KHNYN: variants seen among roughly 807,000 people sequenced by gnomAD.
The protein encoded by KHNYN is KH and NYN domain containing.
A neutral mutation model predicts 62.7 loss-of-function variants in KHNYN; 42 were observed. That is an observed-to-expected ratio of 0.67 (90% confidence interval 0.52 to 0.87). The LOEUF is 0.87. KHNYN is among the 40% of genes least tolerant of loss of function. KHNYN has a pLI of 0.00. For synonymous variants in KHNYN, 347 were observed against 345.6 expected, an observed-to-expected ratio of 1.00 and a Z score of -0.04; for missense variants, 829 against 874.1, an observed-to-expected ratio of 0.95 and a Z score of 0.65.
At chr14:24,436,243 C>T in intron 6 of KHNYN, 64 bp downstream of exon 6, 1 of 1,499,206 alleles carries the variant, frequency 6.7e-7, no homozygotes, top group Non-Finnish European at 9.3e-7. Context: ...GCCAGCTCTG[C>T]TCTGGCCATG....
chr14:24,427,603 G>A, upstream of KHNYN: 1 of 626,338 alleles, frequency 1.6e-6, no homozygotes. The surrounding 1 kb of genome is among the most constrained non-coding windows in gnomAD (Gnocchi z 4.4). Flanking sequence ...GGGTGGAAAG[G>A]CCTGGTCTGG....
At chr14:24,431,178 G>C (rs2043104893) in intron 2 of KHNYN, among the ~76,000 whole-genome samples, 2 of 152,214 alleles carry the variant, frequency 1.3e-5, no homozygotes, top group South Asian at 4.1e-4. Flanking sequence ...TGTGCTCTTT[G>C]GGAGAATAGA....
chr14:24,437,086 A>G lies in KHNYN; in HGVS notation c.1838A>G (p.His613Arg), dbSNP rs144920905. Residue 613 changes from histidine to arginine, a missense_variant, in exon 8 of 8, where the codon CAT (histidine) becomes CGT (arginine). This residue lies in a region of KHNYN where 270 missense variants were observed against 347.1 expected (regional missense o/e 0.78). Transcript: ENST00000553935. This position sits in a 1 kb window ranked among gnomAD's most constrained non-coding sequence, Gnocchi z 5.5. Reference sequence around the variant, plus strand: ...CATCCTTCCAGGGGCTTTGCAGAACATGGTAAACAGCAGCAGGGGAGAGAA... The same window carrying G: ...CATCCTTCCAGGGGCTTTGCAGAACGTGGTAAACAGCAGCAGGGGAGAGAA... The part of the protein sequence containing the change: ...AQHPSRGFAE[H>R]GKQQQGREEE... The G allele has an allele frequency of 1.6e-4, 266 of 1,614,078 alleles. 1 individual carries two copies. Among genetic ancestry groups the G allele is most frequent in the South Asian group, 4.4e-4 (40 of 91,082 alleles).
At chr14:24,428,691 G>C, upstream of KHNYN, 1 of 1,499,860 alleles carries the variant, frequency 6.7e-7, no homozygotes, top group South Asian at 1.3e-5. Flanking sequence ...AGTGGGCTTG[G>C]ACAGTTGCTT....
rs1168137315 is a variant in KHNYN at position 24,435,879 on chromosome 14, A to G, written c.1578-193A>G. 5.0e-6 allele frequency: 3 copies of G among 598,262 alleles called. No homozygotes were observed. In the East Asian group the frequency reaches 8.4e-5, roughly 17 times the overall value. The allele number at this position is 598,262 out of a possible 1,614,324, so 37.1% of individuals were successfully genotyped here. On this transcript the variant is annotated intron_variant, in intron 5 of 7. Coordinates refer to ENST00000553935, the MANE Select transcript of KHNYN (RefSeq NM_015299.3). ...AACTTCTGGGGTTGGGGCCTTGGAG[A>G]GTCCCAAATGGTTGCTGTGGTTTTT...
chr14:24,427,008 T>C (rs1219536834), upstream of KHNYN: 1 of 152,196 alleles, frequency 6.6e-6, no homozygotes, highest in African/African-American at 2.4e-5. This position sits in a 1 kb window ranked among gnomAD's most constrained non-coding sequence, Gnocchi z 4.4. Context: ...TTATCGATGT[T>C]TTCCATGGTC....
upstream of KHNYN, among the ~76,000 whole-genome samples, chr14:24,425,071 C>G (rs1044675377): frequency 6.6e-6 from 1 of 152,070 alleles, no homozygotes; most frequent in Admixed American, 6.5e-5. Flanking sequence ...TGTGGTGGCT[C>G]GCACCTGTAA....
In KHNYN at chr14:24,431,944, C is replaced by T. The variant is rs756699340; in HGVS notation, c.683C>T (p.Pro228Leu). The part of the protein sequence containing the change: ...GAQCQGVRAP[P>L]SDGRESLDTG... Reference sequence around the variant, plus strand: ...CAGTGCCAAGGAGTGAGAGCTCCCCCTAGTGACGGCAGGGAGTCCCTGGAC... The same window carrying T: ...CAGTGCCAAGGAGTGAGAGCTCCCCTTAGTGACGGCAGGGAGTCCCTGGAC... Residue 228 changes from proline (P) to leucine (L), a missense_variant, in exon 3 of 8, where the codon CCT (proline) becomes CTT (leucine). Pro to Leu is a moderately conservative substitution (Grantham distance 98, BLOSUM62 -3). Coordinates refer to ENST00000553935, the MANE Select transcript of KHNYN (RefSeq NM_015299.3). 6 of 1,613,328 alleles carry T rather than the reference C, an allele frequency of 3.7e-6. No individual in the cohort carries two copies. The African/African-American group carries it at 8.0e-5, about 22-fold the overall frequency.
upstream of KHNYN, chr14:24,429,168 C>T (rs1398838987): frequency 3.2e-5 from 36 of 1,107,746 alleles, no homozygotes; most frequent in South Asian, 4.9e-5. Flanking sequence ...TCTCTAGGCT[C>T]GCTGAACCCC....
At position 24,432,021 on chromosome 14, in the gene KHNYN, G is replaced by A. The variant is rs751886494; in HGVS notation, c.760G>A (p.Ala254Thr). 18 of 1,607,864 alleles carry A rather than the reference G, an allele frequency of 1.1e-5. No individual in the cohort carries two copies. The highest frequency in any genetic ancestry group is 1.4e-5 in the Non-Finnish European group (17 of 1,175,776). The change falls in exon 3 of 8, where the codon GCT becomes ACT. Residue 254 changes from alanine (A) to threonine (T), a missense_variant. Transcript: ENST00000553935. This position sits in a 1 kb window ranked among gnomAD's most constrained non-coding sequence, Gnocchi z 5.6. The part of the protein sequence containing the change: ...DCRGARGDTY[A>T]VEKEGGKQGG... ...CAGGGGAGCAAGGGGAGACACTTAC[G>A]CTGTGGAGAAGGAGGGAGGGAAACA... is the stretch of plus-strand genomic sequence containing the variant.
chr14:24,429,160 T>A (rs1160169517), upstream of KHNYN: 2 of 1,224,206 alleles, frequency 1.6e-6, no homozygotes, highest in Non-Finnish European at 1.1e-6. Flanking sequence ...GTCTGCCCTC[T>A]CTAGGCTCGC....
Position 24,432,117 on chromosome 14 carries a change from G to A in KHNYN, c.856G>A (p.Ala286Thr). The change falls in exon 3 of 8, where the codon GCC becomes ACC. Residue 286 changes from alanine (A) to threonine (T), a missense_variant. Physicochemically the swap from Ala to Thr is moderately conservative, Grantham distance 58. Transcript: ENST00000553935. This position sits in a 1 kb window ranked among gnomAD's most constrained non-coding sequence, Gnocchi z 5.6. ...PGEEAWEREV[A>T]LRPQSVGGGA... ...GGAAGAGGCGTGGGAGAGAGAAGTGGCCCTCAGGCCACAGTCAGTGGGTGG... is the reference window on the plus strand; with the variant it reads ...GGAAGAGGCGTGGGAGAGAGAAGTGACCCTCAGGCCACAGTCAGTGGGTGG... The A allele has an allele frequency of 6.5e-7, 1 of 1,550,182 alleles. No homozygotes were observed. The highest frequency in any genetic ancestry group is 8.7e-7 in the Non-Finnish European group (1 of 1,147,470).
In KHNYN at chr14:24,430,129, C is replaced by T. The variant is rs1334472832; in HGVS notation, c.-18+10C>T. On this transcript the variant is annotated intron_variant, in intron 1 of 7. Coordinates refer to ENST00000553935, the MANE Select transcript of KHNYN (RefSeq NM_015299.3). The stretch of plus-strand genomic sequence containing the variant: ...GCGGGCGGCGGAGGCGGTAGGCGCG[C>T]CCCTCCACCGCGCCCGGGAGCGGGG... The T allele has an allele frequency of 3.0e-6, 3 of 983,910 alleles. No homozygotes were observed. The highest frequency in any genetic ancestry group is 3.6e-6 in the Non-Finnish European group (3 of 829,180). 60.9% of individuals were successfully genotyped at this position (983,910 alleles called of 1,614,324 possible). A position where few individuals can be genotyped will look rare whatever the true frequency, so the allele number is the denominator to read the frequency against.
Position 24,437,395 on chromosome 14 carries a change from T to G in KHNYN, c.*110T>G. 7.3e-7 allele frequency: 1 copy of G among 1,363,918 alleles called. No individual in the cohort carries two copies. The highest frequency in any genetic ancestry group is 2.3e-5 in the Admixed American group (1 of 43,130). 84.5% of individuals were successfully genotyped at this position (1,363,918 alleles called of 1,614,324 possible). ...ACTCTGATCCAGAGGCACCCTGAGT[T>G]GGTGCTTTGGATCAGGGAAGCCACT... On this transcript the variant is annotated 3_prime_UTR_variant, in exon 8 of 8. Transcript: ENST00000553935. This position sits in a 1 kb window ranked among gnomAD's most constrained non-coding sequence, Gnocchi z 5.5.
upstream of KHNYN, chr14:24,429,886 G>C: frequency 2.0e-6 from 2 of 1,013,498 alleles, no homozygotes; most frequent in Non-Finnish European, 2.4e-6. Flanking sequence ...GGCGGGGTTG[G>C]GAGGAGGGCG....
rs956613833 is a variant in KHNYN, at chr14:24,437,163, C to T, written c.1915C>T (p.Arg639Trp). ...IRKTRETERL[R>W]RQLLEVFWGQ... ...GAAGACCCGGGAAACAGAGCGGCTCCGGCGGCAGCTGCTGGAGGTGTTTTG... is the reference window on the plus strand; with the variant it reads ...GAAGACCCGGGAAACAGAGCGGCTCTGGCGGCAGCTGCTGGAGGTGTTTTG... The change falls in exon 8 of 8, where the codon CGG (arginine) becomes TGG (tryptophan). Residue 639 changes from arginine to tryptophan, a missense_variant. Physicochemically the swap from Arg to Trp is moderately radical, Grantham distance 101. This residue lies in a region of KHNYN where 270 missense variants were observed against 347.1 expected (regional missense o/e 0.78). Transcript: ENST00000553935. This position sits in a 1 kb window ranked among gnomAD's most constrained non-coding sequence, Gnocchi z 5.5. 1.5e-5 allele frequency: 24 copies of T among 1,614,046 alleles called. No homozygotes were observed. The highest frequency in any genetic ancestry group is 1.9e-5 in the Non-Finnish European group (23 of 1,180,036).
At chr14:24,430,427 C>T (rs1290928510) in intron 1 of KHNYN, 2 of 1,221,496 alleles carry the variant, frequency 1.6e-6, no homozygotes, top group East Asian at 4.1e-5. Flanking sequence ...GCCTCCAGGC[C>T]GAGCTGGAGC....
rs1189470669 is a variant in KHNYN, at chr14:24,441,179, C to T, written c.*3894C>T. 2.5e-5 allele frequency: 14 copies of T among 567,618 alleles called. No individual in the cohort carries two copies. Among genetic ancestry groups the T allele is most frequent in the African/African-American group, 7.5e-5 (4 of 53,000 alleles). The allele number at this position is 567,618 out of a possible 1,614,324, so 35.2% of individuals were successfully genotyped here. On this transcript the variant is annotated 3_prime_UTR_variant, in exon 8 of 8. Transcript: ENST00000553935. Reference sequence around the variant, plus strand: ...TAAGAACAGGAACTTGGGTACCAGGCGCCTGAATTTTAATCAGCTCCCTCA... The same window carrying T: ...TAAGAACAGGAACTTGGGTACCAGGTGCCTGAATTTTAATCAGCTCCCTCA...
upstream of KHNYN, among the ~76,000 whole-genome samples, chr14:24,425,587 A>T (rs902692638): frequency 1.3e-5 from 2 of 152,088 alleles, no homozygotes; most frequent in Non-Finnish European, 2.9e-5. Context: ...CTGGACTCTT[A>T]TTTACAGATT....
Sources: gnomAD v4.1 joint callset for allele counts (sites outside exome capture counted in the v4.1 genomes callset) on GRCh38, gnomAD v4.1.1 for gene constraint, gnomAD v4.1.1 regional missense constraint, Gnocchi (gnomAD v3.1) non-coding constraint, MANE v1.5 for transcripts, NCBI Gene and HGNC (gene_info 2026-07-23, HGNC 2026-07-21) for gene names.